Variants in JAK1 observed in about 807,000 individuals in gnomAD.
JAK1 encodes Janus kinase 1.
In JAK1, 16 loss-of-function variants were observed where a neutral mutation model predicts 136.6. That is an observed-to-expected ratio of 0.12 (90% CI 0.08 to 0.18). JAK1 has a LOEUF of 0.18. Among genes scored for constraint, JAK1 ranks in the 10% least tolerant of loss-of-function variants. The pLI, the probability that JAK1 is intolerant of heterozygous loss-of-function variation, is 1.00. For missense variants in JAK1, 859 were observed against 1,450.1 expected, an observed-to-expected ratio of 0.59 and a Z score of 6.62; for synonymous variants, 492 against 519.5, an observed-to-expected ratio of 0.95 and a Z score of 0.72.
chr1:65,049,451 C>G (rs1385178055), intron 1 of JAK1, among the ~76,000 whole-genome samples: 1 of 151,982 alleles, frequency 6.6e-6, no homozygotes, highest in Non-Finnish European at 1.5e-5. Context: ...AAAACACAAC[C>G]CAAACAACAA....
At chr1:64,884,921 C>T (rs890126484) in intron 2 of JAK1, among the ~76,000 whole-genome samples, 7 of 152,142 alleles carry the variant, frequency 4.6e-5, no homozygotes, top group African/African-American at 2.4e-5. Flanking sequence ...AGCACAGAGG[C>T]TTACACATAA....
intron 2 of JAK1, among the ~76,000 whole-genome samples, chr1:64,979,193 CCAGCCTGGG>C: frequency 6.6e-6 from 1 of 152,214 alleles, no homozygotes; most frequent in Non-Finnish European, 1.5e-5. Context: ...GAGTTTAAGA[CCAGCCTGGG>C]CAACATAGTG....
intron 2 of JAK1, 37 bp downstream of exon 2, chr1:64,886,222 A>G (rs1644850412): frequency 7.3e-7 from 1 of 1,365,308 alleles, no homozygotes. Context: ...TTAAAGCCAG[A>G]TATTTTCCTT....
At chr1:64,950,276 C>A (rs1351495513) in intron 1 of JAK1, among the ~76,000 whole-genome samples, 1 of 151,842 alleles carries the variant, frequency 6.6e-6, no homozygotes, top group Admixed American at 6.6e-5. Flanking sequence ...GGCGTGGTGG[C>A]GGGCGCCTGT....
chr1:64,992,907 A>G lies in JAK1; in HGVS notation c.-78+51573T>C, dbSNP rs573990372. ...CCGAGATTCTGTCTCAAAAAAAAAAAAAAAAAAAAAGATTTAGTCCAGCCC... is the reference window on the plus strand; with the variant it reads ...CCGAGATTCTGTCTCAAAAAAAAAAGAAAAAAAAAAGATTTAGTCCAGCCC... On this transcript the variant is annotated intron_variant, in intron 2 of 25. Transcript: ENST00000671954. 2.0e-5 allele frequency: 3 copies of G among 151,958 alleles called. No individual in the cohort carries two copies. In the South Asian group the frequency reaches 6.2e-4, roughly 32 times the overall value. 9.4% of individuals were successfully genotyped at this position (151,958 alleles called of 1,614,324 possible). A position where few individuals can be genotyped will look rare whatever the true frequency, so the allele number is the denominator to read the frequency against.
rs929980965 is a variant in JAK1 at position 64,920,720 on chromosome 1, A to C, written c.-77-34379T>G. Among the ~76,000 whole-genome samples, 10 of 152,298 alleles carry C rather than the reference A, an allele frequency of 6.6e-5. 1 individual carries two copies. In the East Asian group the frequency reaches 9.6e-4, roughly 15 times the overall value. ...CTAACCTTGGGCCTTGGATAATTCA[A>C]GGAACCCTTCTGGCCCTCAGTTTTC... On this transcript the variant is annotated intron_variant, in intron 1 of 24. Coordinates refer to ENST00000342505, the MANE Select transcript of JAK1 (RefSeq NM_002227.4).
At chr1:64,873,780 T>C (rs1345223854) in intron 4 of JAK1, among the ~76,000 whole-genome samples, 2 of 152,200 alleles carry the variant, frequency 1.3e-5, no homozygotes, top group African/African-American at 4.8e-5. Context: ...CTCCTCTGAC[T>C]TCTCACTATG....
intron 2 of JAK1, among the ~76,000 whole-genome samples, chr1:65,024,348 T>C (rs1646960230): frequency 6.6e-6 from 1 of 152,206 alleles, no homozygotes; most frequent in African/African-American, 2.4e-5. Context: ...ATTTTCTTAA[T>C]GATTAATGAC....
At chr1:64,867,342 T>G in intron 6 of JAK1, 134 bp from the exon 7 acceptor site, 3 of 640,150 alleles carry the variant, frequency 4.7e-6, no homozygotes, top group Non-Finnish European at 8.0e-6. Flanking sequence ...GGACGTTAGA[T>G]GGAGTTAGCA....
chr1:64,937,887 C>T (rs1645817865), intron 1 of JAK1, among the ~76,000 whole-genome samples: 1 of 148,768 alleles, frequency 6.7e-6, no homozygotes, highest in Admixed American at 6.7e-5. Flanking sequence ...TCAAAATCTT[C>T]TTTTTTTTTT....
intron 1 of JAK1, among the ~76,000 whole-genome samples, chr1:64,912,658 T>A (rs12059545): frequency 0.036 from 5,491 of 152,210 alleles, 325 homozygotes; most frequent in African/African-American, 0.12. Flanking sequence ...ACTACTCTCA[T>A]CCCCATTTTA....
intron 1 of JAK1, among the ~76,000 whole-genome samples, chr1:64,942,567 C>G (rs774744981): frequency 2.2e-4 from 33 of 152,132 alleles, no homozygotes; most frequent in Non-Finnish European, 4.6e-4. Flanking sequence ...GTACAAATCT[C>G]TAATTAAATC....
chr1:64,997,699 TGAGTGTGG>T (rs1221076776), intron 2 of JAK1, among the ~76,000 whole-genome samples: 1 of 152,128 alleles, frequency 6.6e-6, no homozygotes, highest in Non-Finnish European at 1.5e-5. Context: ...AATGGTGGTA[TGAGTGTGG>T]GAGTGTGGGG....
rs1233581835 is a variant in JAK1, at chr1:64,834,497, A to C, written c.*65T>G. On this transcript the variant is annotated 3_prime_UTR_variant, in exon 25 of 25. Coordinates refer to ENST00000342505, the MANE Select transcript of JAK1 (RefSeq NM_002227.4). ...TTTCATTAGAAATTTTTAAAAAATG[A>C]CTTGGGCATTTGTTGCAGGAGAAGG... 3 of 1,103,086 alleles carry C rather than the reference A, an allele frequency of 2.7e-6. No individual in the cohort carries two copies. The highest frequency in any genetic ancestry group is 4.1e-6 in the Non-Finnish European group (3 of 732,362). 68.3% of individuals were successfully genotyped at this position (1,103,086 alleles called of 1,614,324 possible). A position where few individuals can be genotyped will look rare whatever the true frequency, so the allele number is the denominator to read the frequency against.
chr1:64,833,626 C>T lies in JAK1; in HGVS notation c.*936G>A, dbSNP rs552628895. On this transcript the variant is annotated 3_prime_UTR_variant, in exon 25 of 25. Coordinates refer to ENST00000342505, the MANE Select transcript of JAK1 (RefSeq NM_002227.4). ...TTGATGGTAAAAACAGGGATCAACC[C>T]TTGTAGATCGGTGGTAAGTATGGAA... The T allele has an allele frequency of 1.5e-4, 36 of 233,026 alleles. No homozygotes were observed. In the East Asian group the frequency reaches 2.1e-3, roughly 13 times the overall value. The allele number at this position is 233,026 out of a possible 1,614,324, so 14.4% of individuals were successfully genotyped here.
At chr1:64,957,923 G>A (rs1233213293) in intron 1 of JAK1, among the ~76,000 whole-genome samples, 2 of 145,458 alleles carry the variant, frequency 1.4e-5, no homozygotes, top group Non-Finnish European at 3.0e-5. Context: ...CGGCCTGGGC[G>A]AAAGAGCGAG....
chr1:64,869,332 G>A lies in JAK1; in HGVS notation c.626C>T (p.Pro209Leu). 1 of 1,613,940 alleles carries A rather than the reference G, an allele frequency of 6.2e-7. No homozygotes were observed. Among genetic ancestry groups the A allele is most frequent in the South Asian group, 1.1e-5 (1 of 91,066 alleles). The part of the protein sequence containing the change: ...HYAMMKKMQL[P>L]ELPKDISYKR... ...TTACCTGATGTCCTTGGGCAGTTCT[G>A]GCAACTGCATCTTCTTCATCATGGC... Residue 209 changes from proline (P) to leucine (L), a missense_variant, in exon 6 of 25, where the codon CCA becomes CTA. Around this residue, in one of 4 missense-constraint regions of JAK1, gnomAD observed 353 missense variants for 494.0 expected, o/e 0.71. Transcript: ENST00000342505.
chr1:64,879,158 A>T lies in JAK1; in HGVS notation c.206-10T>A. On this transcript the variant is annotated splice_polypyrimidine_tract_variant and intron_variant, in intron 3 of 24. Transcript: ENST00000342505. The stretch of plus-strand genomic sequence containing the variant: ...CAAAGAGGAGAGATACCTGAGGAAA[A>T]GTAAAAAAACACATCAGAAAATCAA... The T allele has an allele frequency of 6.2e-7, 1 of 1,613,678 alleles. No individual in the cohort carries two copies. The highest frequency in any genetic ancestry group is 8.5e-7 in the Non-Finnish European group (1 of 1,179,744).
chr1:64,834,663 A>G lies in JAK1; in HGVS notation c.3370-6T>C. ...TTCCTCATAAGTTGATAAACCTGTAAAAAGAAAGAAGTAACAACAGTAAAA... is the reference window on the plus strand; with the variant it reads ...TTCCTCATAAGTTGATAAACCTGTAGAAAGAAAGAAGTAACAACAGTAAAA... On this transcript the variant is annotated splice_polypyrimidine_tract_variant and splice_region_variant and intron_variant, in intron 24 of 24. Transcript: ENST00000342505. The G allele has an allele frequency of 6.3e-7, 1 of 1,575,276 alleles. No individual in the cohort carries two copies. The highest frequency in any genetic ancestry group is 1.1e-5 in the South Asian group (1 of 89,556).
Sources: allele counts gnomAD v4.1 joint callset (sites outside exome capture counted in the v4.1 genomes callset), GRCh38; gene constraint gnomAD v4.1.1; regional missense constraint gnomAD v4.1.1; transcripts MANE v1.5; gene names NCBI Gene and HGNC (gene_info 2026-07-23, HGNC 2026-07-21).